Variants in WDR20 observed in about 807,000 individuals in gnomAD.
WDR20 encodes WD repeat domain 20.
In WDR20, 3 loss-of-function variants were observed where a neutral mutation model predicts 38.7. The ratio of observed to expected loss-of-function variants is 0.08; its 90% confidence interval spans 0.04 to 0.20. WDR20 has a LOEUF of 0.20. WDR20 is among the 10% of genes least tolerant of loss of function. The pLI is 1.00. For missense variants in WDR20, 559 were observed against 727.7 expected, an observed-to-expected ratio of 0.77 and a Z score of 2.67; for synonymous variants, 298 against 285.6, an observed-to-expected ratio of 1.04 and a Z score of -0.44.
At position 102,160,897 on chromosome 14, in the gene WDR20, G is replaced by A. The variant is rs2058481449; in HGVS notation, c.249+20725G>A. Reference sequence around the variant, plus strand: ...CAGCGAGTGGAGCTTGCAGTGAGCCGAGATCGCGCCACTGCATTCCAGCCT... The same window carrying A: ...CAGCGAGTGGAGCTTGCAGTGAGCCAAGATCGCGCCACTGCATTCCAGCCT... On this transcript the variant is annotated intron_variant, in intron 1 of 2. Transcript: ENST00000342702. Among the ~76,000 whole-genome samples the A allele has an allele frequency of 5.2e-5, 7 of 134,900 alleles. No individual in the cohort carries two copies. The South Asian group carries it at 1.4e-3, about 27-fold the overall frequency. 88.5% of individuals were successfully genotyped at this position (134,900 alleles called of 152,430 possible).
intron 1 of WDR20, among the ~76,000 whole-genome samples, chr14:102,172,685 G>C (rs1190565): frequency 3.2e-5 from 4 of 125,610 alleles, no homozygotes; most frequent in Non-Finnish European, 7.2e-5. Context: ...CCTCCCTCCC[G>C]GACGGGGCGG....
At chr14:102,161,140 A>ATTTTTT (rs1369897890) in intron 1 of WDR20, among the ~76,000 whole-genome samples, 10 of 10,812 alleles carry the variant, frequency 9.2e-4, no homozygotes, top group African/African-American at 3.9e-3. Flanking sequence ...ATATATATAT[A>ATTTTTT]TATTTTTTTT....
At position 102,169,452 on chromosome 14, in the gene WDR20, G is replaced by C. The variant is rs79071809; in HGVS notation, c.250-25486G>C. ...AGGAGGGCTTTATCTGTCTTTGTTG[G>C]TGAGATACCAGGATCTAAAATGGTG... is the stretch of plus-strand genomic sequence containing the variant. On this transcript the variant is annotated intron_variant, in intron 1 of 2. Transcript: ENST00000342702. Among the ~76,000 whole-genome samples, 1,139 of 152,252 alleles carry C rather than the reference G, an allele frequency of 7.5e-3. 16 individuals are homozygous for C. Among genetic ancestry groups the C allele is most frequent in the African/African-American group, 0.026 (1,066 of 41,534 alleles).
intron 2 of WDR20, among the ~76,000 whole-genome samples, chr14:102,200,043 C>G (rs1157735329): frequency 6.6e-6 from 1 of 152,256 alleles, no homozygotes; most frequent in Non-Finnish European, 1.5e-5. Flanking sequence ...TGGCCCTGAT[C>G]AGGTCAGCCC....
At position 102,162,466 on chromosome 14, in the gene WDR20, G is replaced by A. The variant is rs2058945256; in HGVS notation, c.249+22294G>A. ...ATCAATAAGTGCCTGTACGTAGTAGGCACATTATGTTCATTTTTAAGTTGA... is the reference window on the plus strand; with the variant it reads ...ATCAATAAGTGCCTGTACGTAGTAGACACATTATGTTCATTTTTAAGTTGA... On this transcript the variant is annotated intron_variant, in intron 1 of 2. Coordinates refer to ENST00000342702, the MANE Select transcript of WDR20 (RefSeq NM_144574.4). Among the ~76,000 whole-genome samples, 4 of 152,108 alleles carry A rather than the reference G, an allele frequency of 2.6e-5. No homozygotes were observed. In the South Asian group the frequency reaches 8.3e-4, roughly 32 times the overall value.
chr14:102,151,639 T>G (rs1179137739), intron 1 of WDR20, among the ~76,000 whole-genome samples: 1 of 152,108 alleles, frequency 6.6e-6, no homozygotes, highest in Non-Finnish European at 1.5e-5. Context: ...TCTTCCTTCC[T>G]TGGCCTCCCA....
At chr14:102,215,366 C>G (rs1330308971), downstream of WDR20, among the ~76,000 whole-genome samples, 5 of 152,218 alleles carry the variant, frequency 3.3e-5, no homozygotes. Flanking sequence ...TACATGGACT[C>G]ACTATCCCGG....
chr14:102,193,402 T>C, intron 1 of WDR20: 1 of 1,548,500 alleles, frequency 6.5e-7, no homozygotes, highest in Non-Finnish European at 8.9e-7. Flanking sequence ...TTTTGTATCA[T>C]GCTTTGTATT....
chr14:102,162,096 A>G (rs1351017935), intron 1 of WDR20, among the ~76,000 whole-genome samples: 1 of 152,190 alleles, frequency 6.6e-6, no homozygotes, highest in African/African-American at 2.4e-5. Flanking sequence ...ATGATCTGTA[A>G]GTAGATATTG....
downstream of WDR20, among the ~76,000 whole-genome samples, chr14:102,218,505 G>T (rs1313466216): frequency 6.6e-6 from 1 of 152,226 alleles, no homozygotes; most frequent in Non-Finnish European, 1.5e-5. Flanking sequence ...ACCTGCAGGG[G>T]CAGGAACATG....
chr14:102,223,479 A>C (rs769018853), exon 4 of WDR20: 2 of 152,646 alleles, frequency 1.3e-5, no homozygotes, highest in Non-Finnish European at 2.9e-5. Flanking sequence ...TGCGGCGTGA[A>C]GATGCCCTTT....
intron 1 of WDR20, among the ~76,000 whole-genome samples, chr14:102,185,037 T>A (rs867759847): frequency 1.2e-4 from 18 of 152,166 alleles, no homozygotes; most frequent in Admixed American, 4.6e-4. Flanking sequence ...AGCTACTGTT[T>A]TGTTTTGGAA....
Position 102,221,071 on chromosome 14 carries a change from C to T in WDR20, c.1693-1759C>T, listed in dbSNP as rs550768944. On this transcript the variant is annotated intron_variant, in intron 3 of 3. Coordinates refer to the WDR20 transcript ENST00000335263. This position sits in a 1 kb window ranked among gnomAD's most constrained non-coding sequence, Gnocchi z 4.8. The stretch of plus-strand genomic sequence containing the variant: ...GTTTTTAAGTTGTTAAACGTGCTCC[C>T]GGGAAGCTAAACTTAACACAGGACT... 3.9e-5 allele frequency among the ~76,000 whole-genome samples: 6 copies of T among 152,336 alleles called. No homozygotes were observed. Among genetic ancestry groups the T allele is most frequent in the African/African-American group, 1.2e-4 (5 of 41,582 alleles).
At chr14:102,143,495 A>G (rs2052275116) in intron 1 of WDR20, among the ~76,000 whole-genome samples, 1 of 152,132 alleles carries the variant, frequency 6.6e-6, no homozygotes, top group African/African-American at 2.4e-5. Context: ...TCAGAGCTAA[A>G]TAAGACCCTG....
downstream of WDR20, among the ~76,000 whole-genome samples, chr14:102,218,946 G>C (rs531498171): frequency 7.4e-4 from 113 of 152,322 alleles, no homozygotes; most frequent in African/African-American, 2.6e-3. Context: ...GGCCGGGCCG[G>C]GCCTTGCCCC....
downstream of WDR20, among the ~76,000 whole-genome samples, chr14:102,224,233 G>C (rs928630613): frequency 4.6e-5 from 7 of 151,794 alleles, no homozygotes; most frequent in African/African-American, 1.7e-4. Context: ...GTAGAGATGG[G>C]GTTTCACCAT....
At chr14:102,212,730 A>C, downstream of WDR20, 1 of 1,453,122 alleles carries the variant, frequency 6.9e-7, no homozygotes, top group Non-Finnish European at 9.1e-7. Flanking sequence ...TCAGGTGTGT[A>C]AGGTGCAATG....
intron 1 of WDR20, among the ~76,000 whole-genome samples, chr14:102,183,081 A>T (rs2063748186): frequency 6.6e-6 from 1 of 152,158 alleles, no homozygotes; most frequent in Non-Finnish European, 1.5e-5. Flanking sequence ...AAAAAAAAAG[A>T]AAGTTGTGCC....
rs1298387462 is a variant in WDR20, at chr14:102,208,785, G to A, written c.615G>A (p.Lys205=). The A allele has an allele frequency of 2.5e-6, 4 of 1,614,148 alleles. 1 individual carries two copies. The highest frequency in any genetic ancestry group is 3.3e-4 in the Middle Eastern group (2 of 6,084). ...AGAGCTTTGCCGTGCACACTTGCAA[G>A]AGCAAATCCACGAGGAACCCTCTCC... ...QGESFAVHTC[K]SKSTRNPLLK... is the part of the protein sequence containing the mutation. The change falls in exon 3 of 3, where the codon AAG becomes AAA. Residue 205 remains lysine (K), a synonymous_variant. Coordinates refer to ENST00000342702, the MANE Select transcript of WDR20 (RefSeq NM_144574.4). The surrounding 1 kb of genome is among the most constrained non-coding windows in gnomAD (Gnocchi z 5.6).
Sources: allele counts gnomAD v4.1 joint callset (sites outside exome capture counted in the v4.1 genomes callset), GRCh38; gene constraint gnomAD v4.1.1; non-coding constraint Gnocchi (gnomAD v3.1); transcripts MANE v1.5; gene names NCBI Gene and HGNC (gene_info 2026-07-23, HGNC 2026-07-21).